KRT8: variants seen among roughly 807,000 people sequenced by gnomAD.
KRT8 encodes keratin 8.
A neutral mutation model predicts 43.0 loss-of-function variants in KRT8; 24 were observed. That is an observed-to-expected ratio of 0.56 (90% CI 0.40 to 0.78). The LOEUF (loss-of-function observed/expected upper bound fraction) is 0.78, where lower values mean the gene tolerates loss of function less well. Ranked by LOEUF, KRT8 falls within the 30% of genes least tolerant of loss-of-function variation. The probability of loss-of-function intolerance (pLI) is 0.00; values close to 1 mark genes in which losing one functional copy is unlikely to be tolerated. For synonymous variants in KRT8, 214 were observed against 261.2 expected, an observed-to-expected ratio of 0.82 and a Z score of 1.74; for missense variants, 492 against 638.4, an observed-to-expected ratio of 0.77 and a Z score of 2.47.
At chr12:52,921,333 G>A (rs1180921986) in intron 2 of KRT8, among the ~76,000 whole-genome samples, 1 of 152,166 alleles carries the variant, frequency 6.6e-6, no homozygotes, top group East Asian at 1.9e-4. Flanking sequence ...GAACATGGAA[G>A]GCAAAGGAGG....
chr12:52,898,036 C>T (rs1195663757), intron 7 of KRT8, among the ~76,000 whole-genome samples: 2 of 152,094 alleles, frequency 1.3e-5, no homozygotes, highest in Non-Finnish European at 2.9e-5. Flanking sequence ...TGGTGGTATG[C>T]GCCTGTAGTC....
upstream of KRT8, among the ~76,000 whole-genome samples, chr12:52,907,392 C>T (rs1462789837): frequency 3.9e-5 from 6 of 152,134 alleles, no homozygotes; most frequent in East Asian, 3.9e-4. Context: ...GGAGGACAGG[C>T]GCTCTCCCTA....
At chr12:52,901,996 C>T in exon 2 of KRT8, 1 of 1,604,292 alleles carries the variant, frequency 6.2e-7, no homozygotes, top group Non-Finnish European at 8.5e-7. Flanking sequence ...GTCCATGTTG[C>T]TTCGAGCCGT....
intron 1 of KRT8, chr12:52,949,642 T>G: frequency 6.8e-7 from 1 of 1,471,142 alleles, no homozygotes; most frequent in Non-Finnish European, 9.5e-7. Context: ...CCTCCAATTA[T>G]ACACTCCTTT....
In KRT8 at chr12:52,917,884, A is replaced by G. The variant is rs1275401495; in HGVS notation, c.-46-12857T>C. On this transcript the variant is annotated intron_variant, in intron 2 of 6. Transcript: ENST00000546826. ...ACAAAGCAAGACTTCATCTCAAAAG[A>G]AGAAGAAGAAGGAGAAGGAGGAGAA... Among the ~76,000 whole-genome samples the G allele has an allele frequency of 4.0e-5, 6 of 150,274 alleles. No individual in the cohort carries two copies. In the East Asian group the frequency reaches 9.7e-4, roughly 24 times the overall value.
At chr12:52,938,376 A>G (rs1252077443) in intron 2 of KRT8, among the ~76,000 whole-genome samples, 6 of 151,350 alleles carry the variant, frequency 4.0e-5, no homozygotes, top group African/African-American at 1.5e-4. Flanking sequence ...TGTGTTGCCC[A>G]GACTGGTGTT....
intron 2 of KRT8, among the ~76,000 whole-genome samples, chr12:52,938,449 G>T (rs534920632): frequency 6.6e-6 from 1 of 151,768 alleles, no homozygotes; most frequent in South Asian, 2.1e-4. Flanking sequence ...TTACTAGTGT[G>T]AGACTCCACA....
At chr12:52,898,562 T>C in intron 6 of KRT8, 43 bp from the exon 7 acceptor site, 1 of 1,612,902 alleles carries the variant, frequency 6.2e-7, no homozygotes, top group Non-Finnish European at 8.5e-7. Context: ...CTCCTAGCCC[T>C]TCTTGGCCCA....
chr12:52,935,080 A>T (rs1381211794), intron 2 of KRT8, among the ~76,000 whole-genome samples: 6 of 150,136 alleles, frequency 4.0e-5, no homozygotes, highest in African/African-American at 1.5e-4. Flanking sequence ...ACTTCATCTC[A>T]AAAGAAAAAA....
chr12:52,909,927 G>C (rs533103937), upstream of KRT8, among the ~76,000 whole-genome samples: 4 of 152,238 alleles, frequency 2.6e-5, no homozygotes, highest in South Asian at 8.3e-4. Context: ...AAGATGTTGA[G>C]GTCTCCCACA....
intron 7 of KRT8, among the ~76,000 whole-genome samples, chr12:52,898,067 A>T (rs1941259058): frequency 6.6e-6 from 1 of 152,186 alleles, no homozygotes; most frequent in Non-Finnish European, 1.5e-5. Flanking sequence ...GGGAGGCCTG[A>T]GGCAGGAGAA....
intron 2 of KRT8, among the ~76,000 whole-genome samples, chr12:52,912,069 A>G (rs1941647315): frequency 6.6e-6 from 1 of 152,210 alleles, no homozygotes; most frequent in Non-Finnish European, 1.5e-5. Context: ...GTTTTTAAAA[A>G]GTGGTCTGGC....
At chr12:52,916,594 G>C (rs1410170460) in intron 2 of KRT8, among the ~76,000 whole-genome samples, 2 of 152,212 alleles carry the variant, frequency 1.3e-5, no homozygotes, top group Non-Finnish European at 2.9e-5. Flanking sequence ...CTGCCCAGCA[G>C]GGTACTGGCC....
intron 2 of KRT8, among the ~76,000 whole-genome samples, chr12:52,922,210 A>T (rs1941901855): frequency 6.7e-6 from 1 of 149,402 alleles, no homozygotes; most frequent in Admixed American, 6.7e-5. Flanking sequence ...AAAAAAAAAA[A>T]AAAAAAAAAA....
intron 2 of KRT8, among the ~76,000 whole-genome samples, chr12:52,928,428 C>T (rs991787758): frequency 1.3e-5 from 2 of 152,142 alleles, no homozygotes; most frequent in Non-Finnish European, 2.9e-5. Context: ...GGAGATGGCA[C>T]TTCCTCTGCC....
intron 2 of KRT8, among the ~76,000 whole-genome samples, chr12:52,918,444 C>A (rs1217453384): frequency 6.6e-6 from 1 of 152,156 alleles, no homozygotes; most frequent in East Asian, 1.9e-4. Flanking sequence ...AAAGTGCCTA[C>A]ATTCACACAG....
At chr12:52,897,287 G>C (rs753520220) in exon 8 of KRT8, 1 of 819,398 alleles carries the variant, frequency 1.2e-6, no homozygotes, top group South Asian at 1.4e-5. Flanking sequence ...TCCCCAGGTA[G>C]TAAACTCCCC....
At chr12:52,949,616 C>T in intron 1 of KRT8, 1 of 1,598,234 alleles carries the variant, frequency 6.3e-7, no homozygotes, top group South Asian at 1.1e-5. Flanking sequence ...GACCTCAACT[C>T]CCAGCCTTGT....
At chr12:52,931,396 C>T (rs1224956877) in intron 2 of KRT8, among the ~76,000 whole-genome samples, 1 of 152,062 alleles carries the variant, frequency 6.6e-6, no homozygotes, top group Non-Finnish European at 1.5e-5. Context: ...AAATAGTTTC[C>T]CTTGGTTTTT....
Sources: gnomAD v4.1 joint callset for allele counts (sites outside exome capture counted in the v4.1 genomes callset) on GRCh38, gnomAD v4.1.1 for gene constraint, MANE v1.5 for transcripts, NCBI Gene and HGNC (gene_info 2026-07-23, HGNC 2026-07-21) for gene names.